Variants in PIEZO2 observed in about 807,000 individuals in gnomAD.
The protein encoded by PIEZO2 is piezo type mechanosensitive ion channel component 2.
A neutral mutation model predicts 337.3 loss-of-function variants in PIEZO2; 172 were observed. That is an observed-to-expected ratio of 0.51 (90% CI 0.45 to 0.58). The LOEUF is 0.58. Among genes scored for constraint, PIEZO2 ranks in the 20% least tolerant of loss-of-function variants. The pLI, the probability that PIEZO2 is intolerant of heterozygous loss-of-function variation, is 0.00. For missense variants in PIEZO2, 3,028 were observed against 3,391.3 expected (o/e 0.89, Z 2.66); for synonymous variants, 1,251 against 1,228.5 (o/e 1.02, Z -0.38).
At chr18:10,842,045 A>G (rs1223569335) in intron 7 of PIEZO2, among the ~76,000 whole-genome samples, 2 of 151,338 alleles carry the variant, frequency 1.3e-5, no homozygotes, top group African/African-American at 4.9e-5. Context: ...AGTCCCAGGT[A>G]CTCTGAGGCA....
intron 2 of PIEZO2, among the ~76,000 whole-genome samples, chr18:11,024,093 C>T (rs999560493): frequency 1.3e-5 from 2 of 152,226 alleles, no homozygotes; most frequent in African/African-American, 4.8e-5. Flanking sequence ...AAGGGGCTCC[C>T]ACAGTGCAGC....
At chr18:10,686,758 T>C (rs2034562892) in intron 49 of PIEZO2, among the ~76,000 whole-genome samples, 2 of 152,066 alleles carry the variant, frequency 1.3e-5, no homozygotes, top group Admixed American at 6.6e-5. Flanking sequence ...GTGTCTTCAT[T>C]GGTATCTGGA....
At chr18:10,896,513 G>C (rs1018962901) in intron 4 of PIEZO2, among the ~76,000 whole-genome samples, 5 of 152,200 alleles carry the variant, frequency 3.3e-5, no homozygotes, top group African/African-American at 1.2e-4. Flanking sequence ...AGAGTGCAGA[G>C]AAGTTTTCAA....
rs2041651369 is a variant in PIEZO2 at position 10,854,642 on chromosome 18, G to A, written c.917+711C>T. Among the ~76,000 whole-genome samples, 2 of 152,064 alleles carry A rather than the reference G, an allele frequency of 1.3e-5. No individual in the cohort carries two copies. The highest frequency in any genetic ancestry group is 2.1e-4 in the South Asian group (1 of 4,816). On this transcript the variant is annotated intron_variant, in intron 7 of 55. Coordinates refer to ENST00000674853, the MANE Select transcript of PIEZO2 (RefSeq NM_001378183.1). This position sits in a 1 kb window ranked among gnomAD's most constrained non-coding sequence, Gnocchi z 4.6. ...TTTGGTGTAATAGTCATCTCCAATC[G>A]AAGCAAAGTATTTGATGTTTCTCCC...
Position 11,116,879 on chromosome 18 carries a change from C to T in PIEZO2, c.64+31646G>A, listed in dbSNP as rs2039906385. On this transcript the variant is annotated intron_variant, in intron 1 of 55. Transcript: ENST00000674853. This position sits in a 1 kb window ranked among gnomAD's most constrained non-coding sequence, Gnocchi z 5.0. ...ATCCCAGCACTCTGTGAGGCCAAGG[C>T]AGGAGGATCACTTGAGGTCAGGGGT... is the stretch of plus-strand genomic sequence containing the variant. Among the ~76,000 whole-genome samples, 2 of 152,134 alleles carry T rather than the reference C, an allele frequency of 1.3e-5. No homozygotes were observed. Among genetic ancestry groups the T allele is most frequent in the Non-Finnish European group, 2.9e-5 (2 of 68,026 alleles).
chr18:10,748,503 A>G lies in PIEZO2; in HGVS notation c.4392T>C (p.Ala1464=). ...CCAGAATCTGGGAAGCTTTTATATC[A>G]GCCACAACATGTAGAAAATAATAAC... is the stretch of plus-strand genomic sequence containing the variant. ...FMSYYFLHVV[A]DIKASQILAS... Residue 1464 remains alanine (A), a synonymous_variant, in exon 30 of 56, where the codon GCT becomes GCC. Coordinates refer to ENST00000674853, the MANE Select transcript of PIEZO2 (RefSeq NM_001378183.1). This position sits in a 1 kb window ranked among gnomAD's most constrained non-coding sequence, Gnocchi z 5.1. 6.5e-7 allele frequency: 1 copy of G among 1,537,164 alleles called. No individual in the cohort carries two copies. Among genetic ancestry groups the G allele is most frequent in the Non-Finnish European group, 8.7e-7 (1 of 1,146,870 alleles).
intron 1 of PIEZO2, among the ~76,000 whole-genome samples, chr18:11,079,963 T>A (rs2038680906): frequency 6.6e-6 from 1 of 152,224 alleles, no homozygotes; most frequent in African/African-American, 2.4e-5. Context: ...AAATTGTTTA[T>A]AGTAGGACTG....
At chr18:10,827,431 A>G (rs929553152) in intron 7 of PIEZO2, among the ~76,000 whole-genome samples, 11 of 151,952 alleles carry the variant, frequency 7.2e-5, no homozygotes, top group Middle Eastern at 3.4e-3. Flanking sequence ...TAAATCATAC[A>G]TTTTCCCCAT....
At position 11,032,306 on chromosome 18, in the gene PIEZO2, T is replaced by C. The variant is rs147952715; in HGVS notation, c.160+33821A>G. ...AGTGGTATCTTAACTGGGTCAGAGA[T>C]TTCTGCAAAGGAGTAAGTGACATTT... On this transcript the variant is annotated intron_variant, in intron 2 of 55. Transcript: ENST00000674853. This position sits in a 1 kb window ranked among gnomAD's most constrained non-coding sequence, Gnocchi z 4.9. Among the ~76,000 whole-genome samples, 39 of 152,286 alleles carry C rather than the reference T, an allele frequency of 2.6e-4. No individual in the cohort carries two copies. Among genetic ancestry groups the C allele is most frequent in the African/African-American group, 9.1e-4 (38 of 41,566 alleles).
Position 11,069,303 on chromosome 18 carries a change from G to A in PIEZO2, c.65-3081C>T, listed in dbSNP as rs960302881. Among the ~76,000 whole-genome samples, 5 of 151,976 alleles carry A rather than the reference G, an allele frequency of 3.3e-5. No homozygotes were observed. Among genetic ancestry groups the A allele is most frequent in the African/African-American group, 1.2e-4 (5 of 41,370 alleles). On this transcript the variant is annotated intron_variant, in intron 1 of 55. Transcript: ENST00000674853. This position sits in a 1 kb window ranked among gnomAD's most constrained non-coding sequence, Gnocchi z 4.9. The stretch of plus-strand genomic sequence containing the variant: ...AACAAAATGCAAGCAAACCCCACTC[G>A]GCAATGCATTAAAAGCCTCCTTCAT...
chr18:10,725,094 T>C (rs2036478232), intron 36 of PIEZO2: 2 of 1,497,426 alleles, frequency 1.3e-6, no homozygotes, highest in Admixed American at 3.3e-5. Flanking sequence ...TTCAGTCGCA[T>C]TACACCTACA....
chr18:11,104,822 C>G lies in PIEZO2; in HGVS notation c.65-38600G>C, dbSNP rs2039515390. 6.6e-6 allele frequency among the ~76,000 whole-genome samples: 1 copy of G among 152,166 alleles called. No individual in the cohort carries two copies. Among genetic ancestry groups the G allele is most frequent in the African/African-American group, 2.4e-5 (1 of 41,442 alleles). On this transcript the variant is annotated intron_variant, in intron 1 of 55. Transcript: ENST00000674853. This position sits in a 1 kb window ranked among gnomAD's most constrained non-coding sequence, Gnocchi z 4.6. ...TCTCTTGGGGACCACTCTCCTCCAT[C>G]ATGCTTGATATGGTCCAGGAGTGGT...
At chr18:10,886,511 T>TATATATATATATATA (rs2042613445) in intron 4 of PIEZO2, among the ~76,000 whole-genome samples, 2 of 118,360 alleles carry the variant, frequency 1.7e-5, no homozygotes, top group African/African-American at 3.6e-5. Context: ...CATATACACA[T>TATATATATATATATA]TATATATATA....
At chr18:10,735,480 T>C (rs2036959468) in intron 34 of PIEZO2, among the ~76,000 whole-genome samples, 150 bp from the exon 35 acceptor site, 1 of 152,190 alleles carries the variant, frequency 6.6e-6, no homozygotes, top group Non-Finnish European at 1.5e-5. Context: ...TGTGCTCTGC[T>C]TGTAAGTTAG....
intron 1 of PIEZO2, among the ~76,000 whole-genome samples, chr18:11,093,942 A>G (rs1203491150): frequency 6.6e-6 from 1 of 151,546 alleles, no homozygotes. Flanking sequence ...AGCTAAAATT[A>G]TTCACGTTTT....
chr18:10,975,867 C>G lies in PIEZO2; in HGVS notation c.286+3668G>C, dbSNP rs370879381. ...TTGTCTGGGTTTTAATTTTAATTTA[C>G]CAATGTCTTGAACATACAAAAAACA... On this transcript the variant is annotated intron_variant, in intron 3 of 55. Transcript: ENST00000674853. Among the ~76,000 whole-genome samples the G allele has an allele frequency of 7.7e-4, 117 of 152,226 alleles. 1 individual carries two copies. Among genetic ancestry groups the G allele is most frequent in the African/African-American group, 2.7e-3 (114 of 41,546 alleles).
intron 2 of PIEZO2, among the ~76,000 whole-genome samples, chr18:11,037,419 T>C (rs894334079): frequency 2.0e-5 from 3 of 152,206 alleles, no homozygotes; most frequent in East Asian, 1.9e-4. Flanking sequence ...AAAAAATAAT[T>C]ATTGAGCTCC....
intron 34 of PIEZO2, among the ~76,000 whole-genome samples, chr18:10,735,567 A>G: frequency 6.6e-6 from 1 of 152,210 alleles, no homozygotes; most frequent in East Asian, 1.9e-4. Flanking sequence ...CCTTGGCTGC[A>G]CGATGAGTGG....
chr18:10,844,643 G>T (rs2041297444), intron 7 of PIEZO2, among the ~76,000 whole-genome samples: 1 of 151,704 alleles, frequency 6.6e-6, no homozygotes, highest in Admixed American at 6.6e-5. Context: ...CAAAAAAATA[G>T]CTAGGCGTGG....
Sources: allele counts gnomAD v4.1 joint callset (sites outside exome capture counted in the v4.1 genomes callset), GRCh38; gene constraint gnomAD v4.1.1; non-coding constraint Gnocchi (gnomAD v3.1); transcripts MANE v1.5; gene names NCBI Gene and HGNC (gene_info 2026-07-23, HGNC 2026-07-21).